Variants in OR51M1 observed in about 807,000 individuals in gnomAD.
OR51M1 encodes the protein olfactory receptor 51M1.
For synonymous variants in OR51M1, 199 were observed against 155.1 expected, an observed-to-expected ratio of 1.28 and a Z score of -2.10; for missense variants, 509 against 404.4, an observed-to-expected ratio of 1.26 and a Z score of -2.22.
chr11:5,386,715 G>A (rs1564795981), intron 2 of OR51M1, among the ~76,000 whole-genome samples: 1 of 151,760 alleles, frequency 6.6e-6, no homozygotes, highest in Non-Finnish European at 1.5e-5. Flanking sequence ...CAGGCAAGCA[G>A]GTGTGGAAAA....
rs1564795049 is a variant in OR51M1 at position 5,383,929 on chromosome 11, T to G, written c.-122+12T>G. On this transcript the variant is annotated intron_variant, in intron 1 of 2. Coordinates refer to ENST00000642046, the MANE Select transcript of OR51M1 (RefSeq NM_001004756.3). ...GTTATTACCTGCTGGTGAGTCTCAC[T>G]ACTGTCTTGTGCCGGGGTTTCAGGA... The G allele has an allele frequency of 6.6e-6, 1 of 152,276 alleles. No homozygotes were observed. Among genetic ancestry groups the G allele is most frequent in the Non-Finnish European group, 1.5e-5 (1 of 68,114 alleles). 9.4% of individuals were successfully genotyped at this position (152,276 alleles called of 1,614,324 possible).
chr11:5,389,042 A>G (rs998846795), intron 2 of OR51M1, among the ~76,000 whole-genome samples: 3 of 152,204 alleles, frequency 2.0e-5, no homozygotes, highest in African/African-American at 7.2e-5. Context: ...TTATTTATCA[A>G]TATATGGATG....
In OR51M1 at chr11:5,389,390, C is replaced by A. The variant is rs779898309; in HGVS notation, c.-9C>A. 2 of 1,608,700 alleles carry A rather than the reference C, an allele frequency of 1.2e-6. No individual in the cohort carries two copies. Among genetic ancestry groups the A allele is most frequent in the Non-Finnish European group, 1.7e-6 (2 of 1,176,196 alleles). On this transcript the variant is annotated 5_prime_UTR_variant, in exon 3 of 3. Transcript: ENST00000642046. ...AATATCCATTTATTTTCAGCTCAAT[C>A]CCCGAGGAATGTCAGTCCAATATTC...
At position 5,389,747 on chromosome 11, in the gene OR51M1, C is replaced by T; in HGVS notation, c.349C>T (p.His117Tyr). 1 of 1,614,004 alleles carries T rather than the reference C, an allele frequency of 6.2e-7. No individual in the cohort carries two copies. The highest frequency in any genetic ancestry group is 8.5e-7 in the Non-Finnish European group (1 of 1,179,910). The stretch of plus-strand genomic sequence containing the variant: ...GTGTCAAATCCAGATGTTCTGCATC[C>T]ACTCTTTTTCCTTCATGGAGTCCTC... The part of the protein sequence containing the change: ...GACQIQMFCI[H>Y]SFSFMESSVL... The change falls in exon 3 of 3, where the codon CAC (histidine) becomes TAC (tyrosine). Residue 117 changes from histidine (H) to tyrosine (Y), a missense_variant. Physicochemically the swap from His to Tyr is moderately conservative, Grantham distance 83. Transcript: ENST00000642046.
chr11:5,391,454 G>T lies in OR51M1; in HGVS notation c.*1075G>T, dbSNP rs11037196. 0.92 allele frequency: 139,520 copies of T among 152,284 alleles called. 64,504 individuals carry two copies. The highest frequency in any genetic ancestry group is 0.98 in the Non-Finnish European group (66,650 of 68,052). 9.4% of individuals were successfully genotyped at this position (152,284 alleles called of 1,614,324 possible). On this transcript the variant is annotated 3_prime_UTR_variant, in exon 3 of 3. Coordinates refer to ENST00000642046, the MANE Select transcript of OR51M1 (RefSeq NM_001004756.3). Reference sequence around the variant, plus strand: ...TAAATCAAGATCCCTGGAGGAATTAGGCATGTCTTGCTCGCCAGTAAATGT... The same window carrying T: ...TAAATCAAGATCCCTGGAGGAATTATGCATGTCTTGCTCGCCAGTAAATGT...
rs1360540259 is a variant in OR51M1, at chr11:5,392,081, AC to A, written c.*1703del. On this transcript the variant is annotated 3_prime_UTR_variant, in exon 3 of 3. Transcript: ENST00000642046. ...GATTCAAAAATAAAAAGGAAAACAAACAAAATTACAAAGCGAAATTTAAAAA... is the reference window on the plus strand; with the variant it reads ...GATTCAAAAATAAAAAGGAAAACAAAAAAATTACAAAGCGAAATTTAAAAA... 1 of 152,128 alleles carries A rather than the reference AC, an allele frequency of 6.6e-6. No individual in the cohort carries two copies. The highest frequency in any genetic ancestry group is 1.5e-5 in the Non-Finnish European group (1 of 68,010). The allele number at this position is 152,128 out of a possible 1,614,324, so 9.4% of individuals were successfully genotyped here.
intron 2 of OR51M1, among the ~76,000 whole-genome samples, chr11:5,388,652 A>G (rs1015725984): frequency 7.3e-5 from 11 of 151,218 alleles, no homozygotes; most frequent in African/African-American, 2.7e-4. Flanking sequence ...GAGAGAAAAT[A>G]AGGTAGGGTC....
chr11:5,386,365 T>G (rs895767860), intron 2 of OR51M1, among the ~76,000 whole-genome samples: 3 of 152,158 alleles, frequency 2.0e-5, no homozygotes, highest in Non-Finnish European at 4.4e-5. Context: ...GGTTCATATC[T>G]TATCCTGATT....
Position 5,392,320 on chromosome 11 carries a change from A to C in OR51M1, c.*1941A>C, listed in dbSNP as rs564601370. On this transcript the variant is annotated 3_prime_UTR_variant, in exon 3 of 3. Coordinates refer to ENST00000642046, the MANE Select transcript of OR51M1 (RefSeq NM_001004756.3). ...TTACATCCACATAGTAGGCCACATTACTCAATAGCAGTTCCGAGACTTAGA... is the reference window on the plus strand; with the variant it reads ...TTACATCCACATAGTAGGCCACATTCCTCAATAGCAGTTCCGAGACTTAGA... 7.9e-5 allele frequency: 12 copies of C among 152,308 alleles called. No individual in the cohort carries two copies. The South Asian group carries it at 1.9e-3, about 24-fold the overall frequency. 9.4% of individuals were successfully genotyped at this position (152,308 alleles called of 1,614,324 possible). A position where few individuals can be genotyped will look rare whatever the true frequency, so the allele number is the denominator to read the frequency against.
At chr11:5,387,397 T>C (rs927007132) in intron 2 of OR51M1, among the ~76,000 whole-genome samples, 1 of 152,134 alleles carries the variant, frequency 6.6e-6, no homozygotes, top group African/African-American at 2.4e-5. Flanking sequence ...AAAAACATTA[T>C]AGGGTGGTTG....
Position 5,391,492 on chromosome 11 carries a change from T to C in OR51M1, c.*1113T>C, listed in dbSNP as rs970340874. The C allele has an allele frequency of 1.3e-5, 2 of 152,228 alleles. No homozygotes were observed. The highest frequency in any genetic ancestry group is 4.8e-5 in the African/African-American group (2 of 41,456). The allele number at this position is 152,228 out of a possible 1,614,324, so 9.4% of individuals were successfully genotyped here. On this transcript the variant is annotated 3_prime_UTR_variant, in exon 3 of 3. Coordinates refer to ENST00000642046, the MANE Select transcript of OR51M1 (RefSeq NM_001004756.3). Reference sequence around the variant, plus strand: ...CGCCAGTAAATGTATATAAATACAATGCCTAGCACATGCCATATACTCAAT... The same window carrying C: ...CGCCAGTAAATGTATATAAATACAACGCCTAGCACATGCCATATACTCAAT...
intron 2 of OR51M1, among the ~76,000 whole-genome samples, chr11:5,388,034 A>G (rs1849728008): frequency 6.6e-6 from 1 of 152,148 alleles, no homozygotes; most frequent in African/African-American, 2.4e-5. Context: ...CACCAACCTA[A>G]TAGAATTATG....
intron 2 of OR51M1, among the ~76,000 whole-genome samples, chr11:5,386,290 G>A (rs914140959): frequency 6.6e-6 from 1 of 152,122 alleles, no homozygotes; most frequent in Non-Finnish European, 1.5e-5. Flanking sequence ...AAAACAAGAA[G>A]GACCGGGCTA....
At position 5,390,673 on chromosome 11, in the gene OR51M1, ATAAAAAC is replaced by A. The variant is rs1849782170; in HGVS notation, c.*301_*307del. 4 of 316,222 alleles carry A rather than the reference ATAAAAAC, an allele frequency of 1.3e-5. No homozygotes were observed. The highest frequency in any genetic ancestry group is 2.3e-5 in the Non-Finnish European group (4 of 172,452). The allele number at this position is 316,222 out of a possible 1,614,324, so 19.6% of individuals were successfully genotyped here. Reference sequence around the variant, plus strand: ...GTAACTAAAACTAAAATGAAACTAAATAAAAACTAAAAAGAACAATAAATACCAGAGC... The same window carrying A: ...GTAACTAAAACTAAAATGAAACTAAATAAAAAGAACAATAAATACCAGAGC... On this transcript the variant is annotated 3_prime_UTR_variant, in exon 3 of 3. Coordinates refer to ENST00000642046, the MANE Select transcript of OR51M1 (RefSeq NM_001004756.3).
At position 5,390,020 on chromosome 11, in the gene OR51M1, A is replaced by C. The variant is rs1291861067; in HGVS notation, c.622A>C (p.Asn208His). 1.9e-6 allele frequency: 3 copies of C among 1,613,454 alleles called. No homozygotes were observed. Among genetic ancestry groups the C allele is most frequent in the Non-Finnish European group, 1.7e-6 (2 of 1,179,862 alleles). ...GGCCTGCACAGATATCACCTTCAAT[A>C]ATCTGTATGGACTGATGGTGGTAGT... is the stretch of plus-strand genomic sequence containing the variant. The part of the protein sequence containing the change: ...QLACTDITFN[N>H]LYGLMVVVFT... The change falls in exon 3 of 3, where the codon AAT becomes CAT. Residue 208 changes from asparagine to histidine, a missense_variant. Transcript: ENST00000642046.
At position 5,391,368 on chromosome 11, in the gene OR51M1, A is replaced by C. The variant is rs11037195; in HGVS notation, c.*989A>C. ...ACAGTGCCCTGCATTTCCCGTTGTAACATTTGTCACACAGTAATGTCCTGT... is the reference window on the plus strand; with the variant it reads ...ACAGTGCCCTGCATTTCCCGTTGTACCATTTGTCACACAGTAATGTCCTGT... On this transcript the variant is annotated 3_prime_UTR_variant, in exon 3 of 3. Transcript: ENST00000642046. 119,870 of 151,992 alleles carry C rather than the reference A, an allele frequency of 0.79. 47,643 individuals carry two copies. Among genetic ancestry groups the C allele is most frequent in the Middle Eastern group, 0.84 (246 of 294 alleles). 9.4% of individuals were successfully genotyped at this position (151,992 alleles called of 1,614,324 possible). A position where few individuals can be genotyped will look rare whatever the true frequency, so the allele number is the denominator to read the frequency against.
intron 2 of OR51M1, among the ~76,000 whole-genome samples, chr11:5,388,980 T>C (rs1849746641): frequency 6.6e-6 from 1 of 152,162 alleles, no homozygotes; most frequent in Admixed American, 6.5e-5. Context: ...CAGATGTTGC[T>C]AGAGTCTGGA....
chr11:5,388,600 TAC>T (rs1383666518), intron 2 of OR51M1, among the ~76,000 whole-genome samples: 1 of 149,032 alleles, frequency 6.7e-6, no homozygotes, highest in African/African-American at 2.5e-5. Context: ...ACCGTGAATA[TAC>T]AGAGGAAATT....
At chr11:5,384,609 C>T (rs548666781) in intron 1 of OR51M1, among the ~76,000 whole-genome samples, 1 of 152,320 alleles carries the variant, frequency 6.6e-6, no homozygotes, top group African/African-American at 2.4e-5. Flanking sequence ...ATGGCAGAAG[C>T]CCTCTGGTCT....
Sources: allele counts gnomAD v4.1 joint callset (sites outside exome capture counted in the v4.1 genomes callset), GRCh38; gene constraint gnomAD v4.1.1; transcripts MANE v1.5; gene names NCBI Gene and HGNC (gene_info 2026-07-23, HGNC 2026-07-21).